Variants in C2CD3 observed in about 807,000 individuals in gnomAD.
The protein encoded by C2CD3 is C2 domain-containing protein 3.
C2CD3 carries 148 observed loss-of-function variants against 234.0 expected under a neutral mutation model. The observed-to-expected ratio is 0.63, with a 90% CI of 0.55 to 0.72. The LOEUF is 0.72. Ranked by LOEUF, C2CD3 falls within the 30% of genes least tolerant of loss-of-function variation. The probability of loss-of-function intolerance (pLI) is 0.00; values close to 1 mark genes in which losing one functional copy is unlikely to be tolerated. For synonymous variants in C2CD3, 1,000 were observed against 1,035.4 expected, an observed-to-expected ratio of 0.97 and a Z score of 0.66; for missense variants, 2,577 against 2,811.5, an observed-to-expected ratio of 0.92 and a Z score of 1.89.
chr11:74,087,769 C>G (rs1955707134), intron 20 of C2CD3, among the ~76,000 whole-genome samples: 1 of 152,140 alleles, frequency 6.6e-6, no homozygotes, highest in South Asian at 2.1e-4. Context: ...GGTATCTGCT[C>G]TGTGTGTCAT....
intron 5 of C2CD3, among the ~76,000 whole-genome samples, chr11:74,138,294 G>A (rs771464249): frequency 6.6e-6 from 1 of 152,172 alleles, no homozygotes; most frequent in Non-Finnish European, 1.5e-5. Flanking sequence ...CAGCAGCTGT[G>A]TACTGAACGT....
chr11:74,107,729 G>C (rs2135501936), intron 12 of C2CD3: 1 of 152,146 alleles, frequency 6.6e-6, no homozygotes, highest in Non-Finnish European at 1.5e-5. Context: ...ATTGGAAAAA[G>C]ACAATGCAGA....
At chr11:74,144,432 T>C (rs527931517) in intron 3 of C2CD3, among the ~76,000 whole-genome samples, 29 of 152,102 alleles carry the variant, frequency 1.9e-4, no homozygotes, top group Admixed American at 1.6e-3. Context: ...GCACACAATA[T>C]GTACAGTTTT....
chr11:74,031,990 T>C (rs1164366883), intron 31 of C2CD3, among the ~76,000 whole-genome samples: 1 of 152,220 alleles, frequency 6.6e-6, no homozygotes, highest in Non-Finnish European at 1.5e-5. Flanking sequence ...AATCATACTG[T>C]GTGGTGTGTA....
At chr11:74,143,045 CT>C (rs1854912682) in intron 3 of C2CD3, among the ~76,000 whole-genome samples, 1 of 152,094 alleles carries the variant, frequency 6.6e-6, no homozygotes, top group Admixed American at 6.6e-5. Flanking sequence ...TAACTTTTGC[CT>C]TTTTGGTGCT....
intron 22 of C2CD3, 88 bp downstream of exon 22, chr11:74,084,793 T>A (rs1322528327): frequency 2.5e-6 from 2 of 798,446 alleles, no homozygotes; most frequent in African/African-American, 3.4e-5. Flanking sequence ...CTTTTGAATA[T>A]CTTACATGAG....
chr11:74,144,973 T>C (rs116534062), intron 3 of C2CD3, among the ~76,000 whole-genome samples: 1,824 of 152,340 alleles, frequency 0.012, 36 homozygotes, highest in African/African-American at 0.042. Flanking sequence ...ACCCTAAAAG[T>C]ATAATTATTT....
Position 74,132,907 on chromosome 11 carries a change from T to C in C2CD3, c.1154A>G (p.Glu385Gly), listed in dbSNP as rs182325685. Residue 385 changes from glutamate (E) to glycine (G), a missense_variant, in exon 7 of 33, where the codon GAG (glutamate) becomes GGG (glycine). Coordinates refer to ENST00000334126, the MANE Select transcript of C2CD3 (RefSeq NM_001286577.2). ...HIEDHLLPST[E>G]NTFWRHDTKA... ...TGTGTCATGTCTCCAAAATGTATTCTCAGTTGAAGGGAGGAGGTGATCTTC... is the reference window on the plus strand; with the variant it reads ...TGTGTCATGTCTCCAAAATGTATTCCCAGTTGAAGGGAGGAGGTGATCTTC... 1 of 1,613,694 alleles carries C rather than the reference T, an allele frequency of 6.2e-7. No individual in the cohort carries two copies. The highest frequency in any genetic ancestry group is 2.2e-5 in the East Asian group (1 of 44,854).
intron 5 of C2CD3, 189 bp from the exon 6 acceptor site, chr11:74,133,746 C>T: frequency 3.3e-6 from 2 of 600,216 alleles, no homozygotes; most frequent in Non-Finnish European, 5.9e-6. Context: ...TGAGTTTCTA[C>T]TGTGCACTGT....
intron 3 of C2CD3, among the ~76,000 whole-genome samples, chr11:74,156,862 G>T (rs145540518): frequency 2.6e-5 from 4 of 152,154 alleles, no homozygotes; most frequent in Admixed American, 6.5e-5. Flanking sequence ...TCCCAGCTAC[G>T]CTGGAGGCTG....
At chr11:74,145,701 C>G (rs1855135257) in intron 3 of C2CD3, among the ~76,000 whole-genome samples, 1 of 152,110 alleles carries the variant, frequency 6.6e-6, no homozygotes, top group African/African-American at 2.4e-5. Context: ...GGTCTTCAGT[C>G]CATCTTGAGT....
intron 3 of C2CD3, 47 bp downstream of exon 3, chr11:74,161,352 C>T (rs773318291): frequency 3.3e-6 from 4 of 1,229,004 alleles, no homozygotes; most frequent in Non-Finnish European, 4.5e-6. Flanking sequence ...ACTATTTCTG[C>T]CCAAAAAGTT....
At chr11:74,022,871 C>G (rs747058917) in intron 32 of C2CD3, among the ~76,000 whole-genome samples, 16 of 152,236 alleles carry the variant, frequency 1.1e-4, no homozygotes, top group Non-Finnish European at 2.2e-4. Flanking sequence ...CACCCCTTTT[C>G]TTTTTGCAGA....
chr11:74,157,610 T>C (rs921900780), intron 3 of C2CD3, among the ~76,000 whole-genome samples: 1 of 152,214 alleles, frequency 6.6e-6, no homozygotes, highest in Non-Finnish European at 1.5e-5. Context: ...TAATAAATTC[T>C]TACATTTGGT....
chr11:74,133,845 T>C (rs1957764789), intron 5 of C2CD3, among the ~76,000 whole-genome samples: 2 of 152,208 alleles, frequency 1.3e-5, no homozygotes, highest in Non-Finnish European at 1.5e-5. Flanking sequence ...TACTGGCTCT[T>C]CCAACTGGTG....
At chr11:74,138,600 G>A in intron 5 of C2CD3, 120 bp downstream of exon 5, 1 of 757,012 alleles carries the variant, frequency 1.3e-6, no homozygotes, top group Non-Finnish European at 2.2e-6. Flanking sequence ...TAGCAAGACT[G>A]CCTGTTTTTA....
intron 31 of C2CD3, among the ~76,000 whole-genome samples, chr11:74,031,699 G>A (rs1952527614): frequency 6.6e-6 from 1 of 152,148 alleles, no homozygotes; most frequent in Admixed American, 6.5e-5. Context: ...ACAGGGCCTG[G>A]CACGATTTAT....
chr11:74,118,130 T>C, intron 9 of C2CD3, 98 bp downstream of exon 9: 1 of 819,892 alleles, frequency 1.2e-6, no homozygotes, highest in South Asian at 1.9e-5. Context: ...TTAATCACTC[T>C]GATGGTGCTG....
At chr11:74,118,139 T>C (rs1590857441) in intron 9 of C2CD3, 89 bp downstream of exon 9, 1 of 936,984 alleles carries the variant, frequency 1.1e-6, no homozygotes, top group Non-Finnish European at 1.7e-6. Context: ...CTGATGGTGC[T>C]GGGCAAATGG....
Sources: gnomAD v4.1 joint callset for allele counts (sites outside exome capture counted in the v4.1 genomes callset) on GRCh38, gnomAD v4.1.1 for gene constraint, MANE v1.5 for transcripts, NCBI Gene and HGNC (gene_info 2026-07-23, HGNC 2026-07-21) for gene names.